Variants in CD2AP observed in about 807,000 individuals in gnomAD.
CD2AP encodes the protein CD2-associated protein.
In CD2AP, 46 loss-of-function variants were observed where a neutral mutation model predicts 85.1. The observed-to-expected ratio is 0.54, with a 90% CI of 0.43 to 0.69. The LOEUF is 0.69. CD2AP is among the 30% of genes least tolerant of loss of function. CD2AP has a pLI of 0.00. For synonymous variants in CD2AP, 255 were observed against 252.9 expected (o/e 1.01, Z -0.08); for missense variants, 769 against 729.5 (o/e 1.05, Z -0.62).
Position 47,608,021 on chromosome 6 carries a change from C to T in CD2AP, c.1625C>T (p.Ser542Phe), listed in dbSNP as rs1432944433. 5 of 1,608,164 alleles carry T rather than the reference C, an allele frequency of 3.1e-6. No homozygotes were observed. The highest frequency in any genetic ancestry group is 1.7e-6 in the Non-Finnish European group (2 of 1,174,946). The change falls in exon 15 of 18, where the codon TCT becomes TTT. Residue 542 changes from serine (S) to phenylalanine (F), a missense_variant. Transcript: ENST00000359314. ...GAATTAAAAAAAGATACATGCTACT[C>T]TCCAAAGGTGAGGTGCATTGTGGTC... ...PSELKKDTCY[S>F]PKPSVYLSTP...
intron 16 of CD2AP, 49 bp from the exon 17 acceptor site, chr6:47,612,420 CAAAT>C: frequency 3.8e-6 from 5 of 1,312,056 alleles, no homozygotes; most frequent in Non-Finnish European, 5.5e-6. Flanking sequence ...AAACATTAGT[CAAAT>C]AAATTATTTA....
intron 3 of CD2AP, among the ~76,000 whole-genome samples, chr6:47,540,862 TG>T (rs2114038671): frequency 6.6e-6 from 1 of 152,352 alleles, no homozygotes; most frequent in East Asian, 1.9e-4. Flanking sequence ...TTCAATAATA[TG>T]GATTGTTTGC....
chr6:47,511,641 T>C (rs1329044978), intron 2 of CD2AP, among the ~76,000 whole-genome samples: 1 of 152,172 alleles, frequency 6.6e-6, no homozygotes, highest in Admixed American at 6.5e-5. Flanking sequence ...ATCTTTTTAT[T>C]CCAAAGCAAA....
At chr6:47,531,192 G>A (rs1362419672) in intron 2 of CD2AP, among the ~76,000 whole-genome samples, 7 of 151,946 alleles carry the variant, frequency 4.6e-5, no homozygotes, top group Admixed American at 2.6e-4. Flanking sequence ...CAGAGATTCC[G>A]AAACTTTCTT....
chr6:47,595,794 CTT>C, intron 11 of CD2AP, 65 bp from the exon 12 acceptor site: 1 of 1,416,648 alleles, frequency 7.1e-7, no homozygotes, highest in Non-Finnish European at 9.9e-7. Context: ...CTGATACAAA[CTT>C]TTGGAAATAG....
At chr6:47,589,580 A>ATATATATATATATC in intron 11 of CD2AP, among the ~76,000 whole-genome samples, 1 of 149,098 alleles carries the variant, frequency 6.7e-6, no homozygotes, top group African/African-American at 2.4e-5. Context: ...ATATATATAT[A>ATATATATATATATC]TTTGTCAGAG....
At position 47,503,435 on chromosome 6, in the gene CD2AP, G is replaced by A. The variant is rs764144193; in HGVS notation, c.160G>A (p.Val54Ile). Residue 54 changes from valine to isoleucine, a missense_variant, in exon 2 of 18, where the codon GTT becomes ATT. Physicochemically the swap from Val to Ile is conservative, Grantham distance 29. Coordinates refer to ENST00000359314, the MANE Select transcript of CD2AP (RefSeq NM_012120.3). ...GRRGMFPDNF[V>I]KEIKRETEFK... ...AAGAGGAATGTTCCCTGACAATTTC[G>A]TTAAGGTAAGTATTTTCAGTTAAAT... 1.2e-5 allele frequency: 19 copies of A among 1,613,142 alleles called. No individual in the cohort carries two copies. The East Asian group carries it at 1.8e-4, about 15-fold the overall frequency.
At chr6:47,494,069 C>G (rs1466799656) in intron 1 of CD2AP, among the ~76,000 whole-genome samples, 3 of 152,144 alleles carry the variant, frequency 2.0e-5, no homozygotes, top group Non-Finnish European at 4.4e-5. Flanking sequence ...GGTTCAGATG[C>G]TTGCTTTGTC....
At chr6:47,549,093 A>G (rs1767445287) in intron 4 of CD2AP, among the ~76,000 whole-genome samples, 1 of 152,310 alleles carries the variant, frequency 6.6e-6, no homozygotes, top group African/African-American at 2.4e-5. Flanking sequence ...CACAGCCAAC[A>G]TAATACTGAA....
In CD2AP at chr6:47,517,021, G is replaced by C. The variant is rs140537787; in HGVS notation, c.165+13581G>C. Among the ~76,000 whole-genome samples, 237 of 152,216 alleles carry C rather than the reference G, an allele frequency of 1.6e-3. 4 individuals carry two copies. The highest frequency in any genetic ancestry group is 5.4e-3 in the African/African-American group (225 of 41,542). On this transcript the variant is annotated intron_variant, in intron 2 of 17. Coordinates refer to ENST00000359314, the MANE Select transcript of CD2AP (RefSeq NM_012120.3). ...AGGTGGGGCCTGGTGGGAGGTGATT[G>C]ACCCATGGGGGCTGATCTGGCATGA...
intron 11 of CD2AP, among the ~76,000 whole-genome samples, chr6:47,590,557 A>G (rs918199434): frequency 4.6e-5 from 7 of 152,168 alleles, no homozygotes; most frequent in African/African-American, 1.7e-4. Flanking sequence ...AAAATACAGT[A>G]TTTGTGAGAA....
rs188419618 is a variant in CD2AP at position 47,576,697 on chromosome 6, T to C, written c.808+95T>C. 1,018 of 936,446 alleles carry C rather than the reference T, an allele frequency of 1.1e-3. 4 individuals are homozygous for C. Among genetic ancestry groups the C allele is most frequent in the Admixed American group, 7.7e-3 (432 of 55,916 alleles). 58.0% of individuals were successfully genotyped at this position (936,446 alleles called of 1,614,324 possible). A position where few individuals can be genotyped will look rare whatever the true frequency, so the allele number is the denominator to read the frequency against. On this transcript the variant is annotated intron_variant, in intron 7 of 17. Transcript: ENST00000359314. ...TGGAAGCATTTGTTACACTGTCTTA[T>C]TAGAATAGCAAATTCTATTAGATGT...
chr6:47,495,426 A>T (rs1314000638), intron 1 of CD2AP, among the ~76,000 whole-genome samples: 1 of 152,184 alleles, frequency 6.6e-6, no homozygotes, highest in Admixed American at 6.5e-5. Context: ...AGAAAGAACT[A>T]ACCCTGCTGA....
intron 4 of CD2AP, 35 bp downstream of exon 4, chr6:47,544,741 T>C: frequency 8.6e-7 from 1 of 1,160,160 alleles, no homozygotes; most frequent in Non-Finnish European, 1.3e-6. Context: ...AAAACAGTAA[T>C]GGTAATTGAT....
chr6:47,626,213 A>G lies in CD2AP; in HGVS notation c.*1986A>G, dbSNP rs1162869567. 1 of 151,944 alleles carries G rather than the reference A, an allele frequency of 6.6e-6. No individual in the cohort carries two copies. Among genetic ancestry groups the G allele is most frequent in the African/African-American group, 2.4e-5 (1 of 41,434 alleles). 9.4% of individuals were successfully genotyped at this position (151,944 alleles called of 1,614,324 possible). ...TGCTTATGAGCATGGAAATGTATTT[A>G]AAGTTTTTGCTTGTGTCCTCCTCAG... On this transcript the variant is annotated 3_prime_UTR_variant, in exon 18 of 18. Coordinates refer to ENST00000359314, the MANE Select transcript of CD2AP (RefSeq NM_012120.3).
intron 11 of CD2AP, among the ~76,000 whole-genome samples, chr6:47,589,916 T>A (rs980677152): frequency 2.0e-5 from 3 of 152,128 alleles, no homozygotes; most frequent in Non-Finnish European, 4.4e-5. Context: ...GAAGTTCAAC[T>A]TCTAATAATC....
intron 1 of CD2AP, among the ~76,000 whole-genome samples, chr6:47,494,895 C>T (rs895823194): frequency 1.3e-5 from 2 of 152,150 alleles, no homozygotes; most frequent in East Asian, 3.8e-4. Context: ...TGGTGGCTCA[C>T]GCCTGTTGTA....
rs191745183 is a variant in CD2AP at position 47,568,064 on chromosome 6, A to G, written c.542-6000A>G. Among the ~76,000 whole-genome samples the G allele has an allele frequency of 1.8e-3, 268 of 152,276 alleles. 6 individuals are homozygous for G. Among genetic ancestry groups the G allele is most frequent in the Non-Finnish European group, 7.2e-4 (49 of 68,018 alleles). On this transcript the variant is annotated intron_variant, in intron 5 of 17. Coordinates refer to ENST00000359314, the MANE Select transcript of CD2AP (RefSeq NM_012120.3). ...ATCTATATAAGTGATAGCACAAAGA[A>G]CAGGACCTAGTGATAATGTTATTTG...
chr6:47,535,788 G>A (rs1190472352), intron 3 of CD2AP, among the ~76,000 whole-genome samples: 1 of 152,130 alleles, frequency 6.6e-6, no homozygotes, highest in Non-Finnish European at 1.5e-5. Flanking sequence ...CTGTGCTGAG[G>A]GAGAATTTTT....
Sources: gnomAD v4.1 joint callset for allele counts (sites outside exome capture counted in the v4.1 genomes callset) on GRCh38, gnomAD v4.1.1 for gene constraint, MANE v1.5 for transcripts, NCBI Gene and HGNC (gene_info 2026-07-23, HGNC 2026-07-21) for gene names.